STPG2: variants seen among roughly 807,000 people sequenced by gnomAD.
The protein encoded by STPG2 is sperm-tail PG-rich repeat-containing protein 2.
Under a neutral mutation model 54.2 loss-of-function variants are expected in STPG2, and 56 were observed. The ratio of observed to expected loss-of-function variants is 1.03; its 90% CI spans 0.83 to 1.29. The LOEUF is 1.29. Ranked by LOEUF, STPG2 falls within the 50% of genes most tolerant of loss-of-function variation. The pLI is 0.00. For missense variants in STPG2, 596 were observed against 544.9 expected (o/e 1.09, Z -0.93); for synonymous variants, 200 against 181.8 (o/e 1.10, Z -0.81).
intron 10 of STPG2, among the ~76,000 whole-genome samples, chr4:97,666,508 G>C (rs1722530819): frequency 1.3e-5 from 2 of 152,176 alleles, no homozygotes; most frequent in Non-Finnish European, 2.9e-5. Context: ...ACAGAAATTA[G>C]GATAAGAAGA....
At chr4:97,922,520 G>GA (rs1295373769) in intron 8 of STPG2, among the ~76,000 whole-genome samples, 1 of 152,102 alleles carries the variant, frequency 6.6e-6, no homozygotes, top group Non-Finnish European at 1.5e-5. Context: ...TTATTACTAA[G>GA]AAAAAAAGTT....
At chr4:98,034,900 G>A (rs2149302750) in intron 5 of STPG2, among the ~76,000 whole-genome samples, 1 of 152,284 alleles carries the variant, frequency 6.6e-6, no homozygotes. Context: ...GCCATGTGCA[G>A]AAAGCTGAAA....
intron 10 of STPG2, among the ~76,000 whole-genome samples, chr4:97,569,199 C>G (rs78653146): frequency 0.017 from 2,604 of 152,172 alleles, 74 homozygotes; most frequent in African/African-American, 0.059. Context: ...CTGAAGTTTT[C>G]TCCCCTTTTA....
At chr4:98,014,718 G>C (rs1560635952) in intron 5 of STPG2, among the ~76,000 whole-genome samples, 3 of 152,018 alleles carry the variant, frequency 2.0e-5, no homozygotes. Flanking sequence ...ATACTTTCAT[G>C]TGTTGTCATA....
At chr4:97,861,010 T>A (rs1057363618) in intron 8 of STPG2, among the ~76,000 whole-genome samples, 3 of 152,018 alleles carry the variant, frequency 2.0e-5, no homozygotes, top group African/African-American at 7.2e-5. Context: ...CACATCAAGT[T>A]AAAAAGCTTC....
chr4:97,563,608 G>A lies in STPG2; in HGVS notation c.1321-4491C>T, dbSNP rs554701358. The stretch of plus-strand genomic sequence containing the variant: ...TAAATTTCCCTCTACACACTATTTT[G>A]AATGAGTCCCAGAGATTCTTGTATG... On this transcript the variant is annotated intron_variant, in intron 10 of 10. Coordinates refer to ENST00000295268, the MANE Select transcript of STPG2 (RefSeq NM_174952.3). 6.6e-5 allele frequency among the ~76,000 whole-genome samples: 10 copies of A among 152,194 alleles called. No individual in the cohort carries two copies. The East Asian group carries it at 1.9e-3, about 29-fold the overall frequency.
chr4:97,564,793 C>T (rs562674341), intron 10 of STPG2, among the ~76,000 whole-genome samples: 6 of 152,208 alleles, frequency 3.9e-5, no homozygotes, highest in South Asian at 2.1e-4. Context: ...GAGTTTCTGC[C>T]GAGAGATCCA....
intron 9 of STPG2, among the ~76,000 whole-genome samples, chr4:97,774,111 A>C (rs898119453): frequency 6.6e-6 from 1 of 151,956 alleles, no homozygotes; most frequent in Admixed American, 6.6e-5. Flanking sequence ...TATTTACAAA[A>C]ATTTCTTTAA....
chr4:97,993,922 A>C (rs890610775), intron 5 of STPG2, among the ~76,000 whole-genome samples: 1 of 152,162 alleles, frequency 6.6e-6, no homozygotes. Context: ...CTGTGGTATC[A>C]GTTTTAATAG....
chr4:97,910,350 C>G (rs1731631148), intron 8 of STPG2, among the ~76,000 whole-genome samples: 1 of 152,132 alleles, frequency 6.6e-6, no homozygotes, highest in Non-Finnish European at 1.5e-5. Flanking sequence ...AGGAAATGTT[C>G]AAATCTGTGT....
At chr4:97,561,244 G>T (rs1732231563) in intron 10 of STPG2, among the ~76,000 whole-genome samples, 1 of 152,112 alleles carries the variant, frequency 6.6e-6, no homozygotes, top group South Asian at 2.1e-4. Flanking sequence ...CTGCATAAAT[G>T]TCTTCTTTTG....
intron 10 of STPG2, among the ~76,000 whole-genome samples, chr4:97,646,815 G>A (rs6832426): frequency 0.6 from 91,350 of 151,852 alleles, 28,041 homozygotes; most frequent in African/African-American, 0.72. Context: ...GTTTGACGTG[G>A]CCATCACTAA....
chr4:97,664,285 C>T (rs950516262), intron 10 of STPG2, among the ~76,000 whole-genome samples: 2 of 152,124 alleles, frequency 1.3e-5, no homozygotes, highest in Non-Finnish European at 2.9e-5. Context: ...TCAGCAGTGG[C>T]AGCAATACAA....
chr4:97,887,225 A>G (rs547308296), intron 8 of STPG2, among the ~76,000 whole-genome samples: 5 of 152,356 alleles, frequency 3.3e-5, no homozygotes, highest in Non-Finnish European at 7.3e-5. Flanking sequence ...GGTAATGAGC[A>G]GAGGTTGGAA....
chr4:97,593,368 G>A (rs1023662316), intron 10 of STPG2, among the ~76,000 whole-genome samples: 7 of 152,266 alleles, frequency 4.6e-5, no homozygotes, highest in East Asian at 1.9e-4. Flanking sequence ...AATGGTGTGC[G>A]TGTGTGCACA....
At chr4:97,442,427 T>C (rs959204885) in intron 4 of STPG2, among the ~76,000 whole-genome samples, 1 of 152,044 alleles carries the variant, frequency 6.6e-6, no homozygotes, top group Admixed American at 6.6e-5. Context: ...TAGAAAAAAA[T>C]TGTTTTTAAT....
chr4:97,477,476 G>GTTTT (rs1018809087), intron 4 of STPG2, among the ~76,000 whole-genome samples: 7 of 120,396 alleles, frequency 5.8e-5, no homozygotes, highest in South Asian at 2.7e-4. Flanking sequence ...TTCCTTTTTT[G>GTTTT]TTTTTTTTTT....
At chr4:97,663,413 G>T (rs1254627192) in intron 10 of STPG2, among the ~76,000 whole-genome samples, 2 of 151,998 alleles carry the variant, frequency 1.3e-5, no homozygotes, top group African/African-American at 4.8e-5. Context: ...CTTCAATTCA[G>T]CAAATATCCT....
chr4:98,125,266 G>C (rs1300538675), intron 3 of STPG2, among the ~76,000 whole-genome samples: 1 of 152,162 alleles, frequency 6.6e-6, no homozygotes, highest in Non-Finnish European at 1.5e-5. Flanking sequence ...GTGGCTTTTT[G>C]AGTTTTCAGC....
Sources: gnomAD v4.1 joint callset for allele counts (sites outside exome capture counted in the v4.1 genomes callset) on GRCh38, gnomAD v4.1.1 for gene constraint, MANE v1.5 for transcripts, NCBI Gene and HGNC (gene_info 2026-07-23, HGNC 2026-07-21) for gene names.